FRS2: variants seen among roughly 807,000 people sequenced by gnomAD.
FRS2 encodes fibroblast growth factor receptor substrate 2.
In FRS2, 8 loss-of-function variants were observed where a neutral mutation model predicts 43.9. The observed-to-expected ratio is 0.18, with a 90% confidence interval of 0.11 to 0.33. FRS2 has a LOEUF of 0.33. Among genes scored for constraint, FRS2 ranks in the 10% least tolerant of loss-of-function variants. The pLI is 1.00. For missense variants in FRS2, 534 were observed against 627.6 expected, an observed-to-expected ratio of 0.85 and a Z score of 1.59; for synonymous variants, 219 against 220.3, an observed-to-expected ratio of 0.99 and a Z score of 0.05.
At chr12:69,507,438 T>G (rs1196075171) in intron 1 of FRS2, among the ~76,000 whole-genome samples, 1 of 152,214 alleles carries the variant, frequency 6.6e-6, no homozygotes, top group Non-Finnish European at 1.5e-5. Context: ...TGTTTGCAAA[T>G]TTGTTTTATA....
At chr12:69,477,897 C>T (rs536158846) in intron 1 of FRS2, among the ~76,000 whole-genome samples, 6 of 151,668 alleles carry the variant, frequency 4.0e-5, no homozygotes, top group South Asian at 4.2e-4. Flanking sequence ...CCCACCACCA[C>T]GCCCGGCTAA....
At position 69,577,898 on chromosome 12, in the gene FRS2, A is replaced by G. The variant is rs932608033; in HGVS notation, c.*2943A>G. 7.9e-5 allele frequency: 12 copies of G among 152,616 alleles called. No individual in the cohort carries two copies. The highest frequency in any genetic ancestry group is 2.9e-4 in the African/African-American group (12 of 41,448). The allele number at this position is 152,616 out of a possible 1,614,324, so 9.5% of individuals were successfully genotyped here. A position where few individuals can be genotyped will look rare whatever the true frequency, so the allele number is the denominator to read the frequency against. On this transcript the variant is annotated 3_prime_UTR_variant, in exon 9 of 9. Coordinates refer to ENST00000549921, the MANE Select transcript of FRS2 (RefSeq NM_001278356.2). ...TATCTGGGACTTAGGAAAATTTGCCAAGCAATCTTTGTTTTTATAGATACT... is the reference window on the plus strand; with the variant it reads ...TATCTGGGACTTAGGAAAATTTGCCGAGCAATCTTTGTTTTTATAGATACT...
At position 69,500,053 on chromosome 12, in the gene FRS2, T is replaced by C. The variant is rs528464547; in HGVS notation, c.-261+29523T>C. Reference sequence around the variant, plus strand: ...TGACTCTTTTCCTTAAATACATTTATTTAAAGAGAAATTTTATATTGGTAC... The same window carrying C: ...TGACTCTTTTCCTTAAATACATTTACTTAAAGAGAAATTTTATATTGGTAC... On this transcript the variant is annotated intron_variant, in intron 1 of 8. Coordinates refer to ENST00000549921, the MANE Select transcript of FRS2 (RefSeq NM_001278356.2). Among the ~76,000 whole-genome samples, 10 of 152,302 alleles carry C rather than the reference T, an allele frequency of 6.6e-5. No homozygotes were observed. In the South Asian group the frequency reaches 1.9e-3, roughly 28 times the overall value.
At chr12:69,477,844 C>T (rs919005848) in intron 1 of FRS2, among the ~76,000 whole-genome samples, 1 of 150,998 alleles carries the variant, frequency 6.6e-6, no homozygotes, top group Non-Finnish European at 1.5e-5. Context: ...GGGTTCACGC[C>T]ATTCTCCTGC....
At chr12:69,534,913 A>G (rs1336341460) in intron 3 of FRS2, among the ~76,000 whole-genome samples, 1 of 152,020 alleles carries the variant, frequency 6.6e-6, no homozygotes, top group Non-Finnish European at 1.5e-5. Context: ...ACATATTTTT[A>G]TTGTTTTTTA....
chr12:69,554,811 C>T (rs1159460072), intron 3 of FRS2, among the ~76,000 whole-genome samples: 1 of 151,528 alleles, frequency 6.6e-6, no homozygotes, highest in East Asian at 2.0e-4. Context: ...CTCAAGCGAT[C>T]CTCTCACCTC....
intron 3 of FRS2, among the ~76,000 whole-genome samples, chr12:69,553,774 G>T (rs1480483933): frequency 6.6e-6 from 1 of 152,178 alleles, no homozygotes; most frequent in Non-Finnish European, 1.5e-5. Flanking sequence ...TGTTAGGAAA[G>T]AAGTAGGGAA....
chr12:69,535,609 T>G (rs1877196365), intron 3 of FRS2, among the ~76,000 whole-genome samples: 1 of 152,208 alleles, frequency 6.6e-6, no homozygotes, highest in Non-Finnish European at 1.5e-5. Flanking sequence ...ATATGGCTAA[T>G]TTTTATAAAT....
intron 3 of FRS2, among the ~76,000 whole-genome samples, chr12:69,546,622 T>G (rs1394881622): frequency 2.0e-5 from 3 of 151,902 alleles, no homozygotes; most frequent in Non-Finnish European, 2.9e-5. Flanking sequence ...TGAACTCCTA[T>G]CCTCAAGTTT....
At chr12:69,486,569 A>C (rs141173766) in intron 1 of FRS2, among the ~76,000 whole-genome samples, 1 of 152,300 alleles carries the variant, frequency 6.6e-6, no homozygotes. Context: ...AAGTGAAAGG[A>C]GGAGTCACAC....
intron 1 of FRS2, among the ~76,000 whole-genome samples, chr12:69,475,023 T>C (rs866957526): frequency 2.1e-5 from 3 of 140,692 alleles, no homozygotes; most frequent in African/African-American, 8.2e-5. Context: ...GATACTTTTA[T>C]CCATTATATG....
chr12:69,475,717 T>C (rs1870701946), intron 1 of FRS2, among the ~76,000 whole-genome samples: 2 of 152,250 alleles, frequency 1.3e-5, no homozygotes, highest in African/African-American at 4.8e-5. Context: ...TAGGTTAATA[T>C]TTGGTTTGGG....
At chr12:69,564,665 A>G (rs1470042639) in intron 4 of FRS2, among the ~76,000 whole-genome samples, 1 of 151,858 alleles carries the variant, frequency 6.6e-6, no homozygotes, top group Non-Finnish European at 1.5e-5. Context: ...CATTCCTACC[A>G]TTGCTGCTCT....
At chr12:69,476,209 G>A (rs1158628325) in intron 1 of FRS2, among the ~76,000 whole-genome samples, 3 of 152,050 alleles carry the variant, frequency 2.0e-5, no homozygotes, top group Non-Finnish European at 4.4e-5. Flanking sequence ...TGTGATTCTC[G>A]CCACCATTGA....
intron 1 of FRS2, among the ~76,000 whole-genome samples, chr12:69,517,203 G>A (rs1592973757): frequency 6.6e-6 from 1 of 152,284 alleles, no homozygotes; most frequent in Non-Finnish European, 1.5e-5. Context: ...GGCTGAGATA[G>A]CAACACCTTT....
intron 3 of FRS2, among the ~76,000 whole-genome samples, chr12:69,536,541 C>A (rs1877329610): frequency 1.3e-5 from 2 of 148,452 alleles, no homozygotes; most frequent in Admixed American, 1.3e-4. Context: ...GAACTTTAGT[C>A]AATTGTGTTA....
intron 4 of FRS2, among the ~76,000 whole-genome samples, chr12:69,564,436 C>T (rs1880117283): frequency 6.6e-6 from 1 of 152,082 alleles, no homozygotes; most frequent in African/African-American, 2.4e-5. Flanking sequence ...TTAACTATTG[C>T]ACTTGGACAT....
At chr12:69,528,420 C>G (rs1876470655) in intron 1 of FRS2, among the ~76,000 whole-genome samples, 1 of 152,088 alleles carries the variant, frequency 6.6e-6, no homozygotes, top group Non-Finnish European at 1.5e-5. Flanking sequence ...AAATCCCTAA[C>G]AAAGTGGGAG....
At chr12:69,481,099 T>G (rs1458331219) in intron 1 of FRS2, among the ~76,000 whole-genome samples, 1 of 152,196 alleles carries the variant, frequency 6.6e-6, no homozygotes, top group Non-Finnish European at 1.5e-5. Flanking sequence ...CTGTATACCC[T>G]TTATCCATAG....
Sources: allele counts gnomAD v4.1 joint callset (sites outside exome capture counted in the v4.1 genomes callset), GRCh38; gene constraint gnomAD v4.1.1; transcripts MANE v1.5; gene names NCBI Gene and HGNC (gene_info 2026-07-23, HGNC 2026-07-21).